The following STK3 variants were observed in gnomAD, a reference collection of about 807,000 sequenced individuals.
The protein encoded by STK3 is serine/threonine kinase 3.
STK3 carries 41 observed loss-of-function variants against 58.0 expected under a neutral mutation model. The ratio of observed to expected loss-of-function variants is 0.71; its 90% confidence interval spans 0.55 to 0.92. STK3 has a LOEUF of 0.92. Ranked by LOEUF, STK3 falls within the 40% of genes least tolerant of loss-of-function variation. The probability of loss-of-function intolerance (pLI) is 0.00; values close to 1 mark genes in which losing one functional copy is unlikely to be tolerated. For synonymous variants in STK3, 170 were observed against 191.0 expected (o/e 0.89, Z 0.91); for missense variants, 479 against 602.7 (o/e 0.79, Z 2.15).
At chr8:98,427,885 G>C in intron 3 of STK3, 1 of 1,103,124 alleles carries the variant, frequency 9.1e-7, no homozygotes, top group Non-Finnish European at 1.3e-6. Flanking sequence ...AGGGAGAGGG[G>C]GCCCCGCCAG....
the STK3 span, among the ~76,000 whole-genome samples, chr8:98,347,524 C>CA: frequency 0.035 from 4,770 of 138,092 alleles, 142 homozygotes; most frequent in African/African-American, 0.077. Flanking sequence ...CAAAAAAAAA[C>CA]AAAAAAAACC....
chr8:98,596,037 A>G lies in STK3; in HGVS notation c.817T>C (p.Leu273=). 6.2e-7 allele frequency: 1 copy of G among 1,613,098 alleles called. No homozygotes were observed. Among genetic ancestry groups the G allele is most frequent in the Non-Finnish European group, 8.5e-7 (1 of 1,179,416 alleles). Residue 273 remains leucine (L), a synonymous_variant, in exon 7 of 11, where the codon TTA becomes CTA. Transcript: ENST00000419617. ...PEQRATATQL[L]QHPFIKNAKP... ...TTCGAGGCACAAGCACTGACCTGTA[A>G]AAGTTGTGTTGCAGTAGCTCTCTGC...
At chr8:98,915,891 C>A (rs1438779078) in intron 1 of STK3, among the ~76,000 whole-genome samples, 1 of 152,096 alleles carries the variant, frequency 6.6e-6, no homozygotes, top group Non-Finnish European at 1.5e-5. Context: ...TTTTACCTAT[C>A]TATTTTAGGA....
intron 1 of STK3, among the ~76,000 whole-genome samples, chr8:98,920,275 G>A (rs956412337): frequency 2.0e-5 from 3 of 152,214 alleles, no homozygotes; most frequent in African/African-American, 7.2e-5. Context: ...GGAGGTTGGG[G>A]TAGGTTAGTG....
At chr8:98,450,257 AGCTT>A (rs1471395303), downstream of STK3, among the ~76,000 whole-genome samples, 1 of 152,238 alleles carries the variant, frequency 6.6e-6, no homozygotes, top group African/African-American at 2.4e-5. Flanking sequence ...AGTAACAATC[AGCTT>A]GCTTATCAAG....
chr8:98,709,536 A>G (rs1384743423), intron 4 of STK3, among the ~76,000 whole-genome samples: 1 of 152,196 alleles, frequency 6.6e-6, no homozygotes, highest in Non-Finnish European at 1.5e-5. Context: ...CATTGATACA[A>G]AAATCCTCAA....
chr8:98,779,112 C>T (rs1831919307), intron 1 of STK3, among the ~76,000 whole-genome samples: 1 of 151,980 alleles, frequency 6.6e-6, no homozygotes, highest in Admixed American at 6.5e-5. Flanking sequence ...TTTCCTGGCC[C>T]CTCAGCTGCT....
At chr8:98,445,492 A>G (rs1818901236) in intron 1 of STK3, among the ~76,000 whole-genome samples, 2 of 152,190 alleles carry the variant, frequency 1.3e-5, no homozygotes, top group Non-Finnish European at 2.9e-5. Context: ...AAGATTATTG[A>G]GATATTTTAC....
intron 1 of STK3, among the ~76,000 whole-genome samples, chr8:98,942,116 C>T (rs1194370295): frequency 6.6e-6 from 1 of 152,242 alleles, no homozygotes; most frequent in Non-Finnish European, 1.5e-5. Context: ...TGGGTGGGCC[C>T]CGCAATGCCT....
downstream of STK3, among the ~76,000 whole-genome samples, chr8:98,368,478 C>T (rs911957601): frequency 6.6e-6 from 1 of 152,164 alleles, no homozygotes; most frequent in African/African-American, 2.4e-5. Context: ...AAGGGGCCCC[C>T]GTTCCTTGAC....
intron 6 of STK3, among the ~76,000 whole-genome samples, chr8:98,657,154 A>C (rs745620039): frequency 2.0e-5 from 3 of 152,102 alleles, no homozygotes; most frequent in Non-Finnish European, 2.9e-5. Context: ...TAATATATAC[A>C]TAACAGTCAA....
chr8:98,742,058 A>G (rs1829260534), intron 4 of STK3, among the ~76,000 whole-genome samples: 1 of 152,086 alleles, frequency 6.6e-6, no homozygotes, highest in Non-Finnish European at 1.5e-5. Context: ...GAATAGAACA[A>G]TAACAGGCTC....
chr8:98,547,307 G>A (rs1261996377), intron 9 of STK3, among the ~76,000 whole-genome samples: 3 of 152,144 alleles, frequency 2.0e-5, no homozygotes, highest in Non-Finnish European at 4.4e-5. Context: ...GTTAACTGCA[G>A]TATCTTAAAA....
chr8:98,467,441 G>C (rs574919937), intron 10 of STK3, among the ~76,000 whole-genome samples: 13 of 152,082 alleles, frequency 8.5e-5, no homozygotes, highest in Non-Finnish European at 1.9e-4. Context: ...TAGAATATCG[G>C]GTACTTAACA....
intron 3 of STK3, among the ~76,000 whole-genome samples, chr8:98,761,126 CTTTTTTT>C (rs71572022): frequency 2.0e-4 from 28 of 140,490 alleles, no homozygotes; most frequent in Non-Finnish European, 2.9e-4. Context: ...GTGACTTTTT[CTTTTTTT>C]TTTTTTTTGA....
chr8:98,828,942 G>T (rs1054864385), upstream of STK3, among the ~76,000 whole-genome samples: 1 of 152,202 alleles, frequency 6.6e-6, no homozygotes, highest in African/African-American at 2.4e-5. Context: ...CTGATAAATC[G>T]TAAGGGCACT....
chr8:98,553,265 T>C (rs1811325478), intron 8 of STK3: 1 of 152,176 alleles, frequency 6.6e-6, no homozygotes, highest in African/African-American at 2.4e-5. Context: ...CATGCCTCTG[T>C]ATTCCCATAG....
intron 10 of STK3, among the ~76,000 whole-genome samples, chr8:98,467,033 T>C (rs919149006): frequency 2.6e-5 from 4 of 152,144 alleles, no homozygotes; most frequent in African/African-American, 9.7e-5. Flanking sequence ...TCAGTGTCTA[T>C]GCTAATATAC....
chr8:98,906,500 A>G (rs984656659), intron 1 of STK3: 6 of 152,278 alleles, frequency 3.9e-5, no homozygotes, highest in African/African-American at 1.4e-4. Flanking sequence ...ACAGCAACAG[A>G]GGAGGGCAGT....
Sources: gnomAD v4.1 joint callset for allele counts (sites outside exome capture counted in the v4.1 genomes callset) on GRCh38, gnomAD v4.1.1 for gene constraint, MANE v1.5 for transcripts, NCBI Gene and HGNC (gene_info 2026-07-23, HGNC 2026-07-21) for gene names.